SAMMSON: variants seen among roughly 807,000 people sequenced by gnomAD.
SAMMSON encodes survival associated mitochondrial melanoma specific oncogenic non-coding RNA, also known as long intergenic non-protein coding RNA 1212.
At chr3:70,411,606 G>A (rs1701219826) in intron 2 of SAMMSON, among the ~76,000 whole-genome samples, 1 of 152,316 alleles carries the variant, frequency 6.6e-6, no homozygotes, top group South Asian at 2.1e-4. Context: ...TGTGTTGTGG[G>A]AGGAACCCAG....
intron 4 of SAMMSON, among the ~76,000 whole-genome samples, chr3:70,185,016 T>C (rs1158741211): frequency 6.6e-6 from 1 of 152,224 alleles, no homozygotes; most frequent in Admixed American, 6.5e-5. Flanking sequence ...CCTATTGATG[T>C]CTGGGTCTCC....
At chr3:70,293,899 C>G (rs376045783) in intron 7 of SAMMSON, among the ~76,000 whole-genome samples, 4 of 151,798 alleles carry the variant, frequency 2.6e-5, no homozygotes, top group Non-Finnish European at 1.5e-5. Flanking sequence ...CATGTTGAAG[C>G]CTAAAGAGAC....
At chr3:70,267,907 C>T (rs1701935414) in intron 6 of SAMMSON, among the ~76,000 whole-genome samples, 1 of 151,732 alleles carries the variant, frequency 6.6e-6, no homozygotes, top group Non-Finnish European at 1.5e-5. Flanking sequence ...GAGCCAAGGT[C>T]CCAGTTTCCT....
At chr3:70,192,440 C>T (rs1035606455) in intron 4 of SAMMSON, among the ~76,000 whole-genome samples, 5 of 152,142 alleles carry the variant, frequency 3.3e-5, no homozygotes, top group South Asian at 2.1e-4. Flanking sequence ...CCTGTGTAAG[C>T]GGCAGACAGG....
At chr3:70,214,670 T>C (rs1701387641) in intron 4 of SAMMSON, among the ~76,000 whole-genome samples, 1 of 150,880 alleles carries the variant, frequency 6.6e-6, no homozygotes, top group African/African-American at 2.4e-5. Context: ...GCCACTATAC[T>C]TTGCACCTGT....
At chr3:70,063,903 A>G (rs1445510854) in intron 3 of SAMMSON, among the ~76,000 whole-genome samples, 1 of 152,114 alleles carries the variant, frequency 6.6e-6, no homozygotes, top group East Asian at 1.9e-4. Flanking sequence ...CAGCATCATC[A>G]TTCTTCATCA....
Position 70,164,479 on chromosome 3 carries a change from C to A in SAMMSON, n.508-84628C>A, listed in dbSNP as rs186476043. On this transcript the variant is annotated intron_variant and non_coding_transcript_variant, in intron 4 of 9. Transcript: ENST00000642114. The stretch of plus-strand genomic sequence containing the variant: ...TTATTGAGGTGAATAGTACTTATTG[C>A]ATGAATTCTGTAAACCTTGTGCCTG... Among the ~76,000 whole-genome samples, 31 of 152,176 alleles carry A rather than the reference C, an allele frequency of 2.0e-4. No homozygotes were observed. The East Asian group carries it at 6.0e-3, about 29-fold the overall frequency.
intron 4 of SAMMSON, among the ~76,000 whole-genome samples, chr3:70,073,286 CTTTT>C (rs1340205449): frequency 5.9e-5 from 9 of 152,004 alleles, no homozygotes; most frequent in African/African-American, 2.2e-4. Context: ...TGGCACATTT[CTTTT>C]GAGCCCATGT....
intron 3 of SAMMSON, among the ~76,000 whole-genome samples, chr3:70,048,350 C>T (rs1344479165): frequency 6.6e-6 from 1 of 152,082 alleles, no homozygotes; most frequent in African/African-American, 2.4e-5. Context: ...TTGATTTCCT[C>T]ATCTGTAGCT....
chr3:70,302,602 G>T (rs1702360505), intron 7 of SAMMSON: 1 of 152,112 alleles, frequency 6.6e-6, no homozygotes, highest in African/African-American at 2.4e-5. Flanking sequence ...ATCTACAATT[G>T]TCTTCTTCCT....
intron 3 of SAMMSON, among the ~76,000 whole-genome samples, chr3:70,026,740 C>T (rs1406974866): frequency 6.6e-6 from 1 of 152,198 alleles, no homozygotes; most frequent in African/African-American, 2.4e-5. Flanking sequence ...GAGTTTACCA[C>T]ACTAAGTTTC....
rs554378051 is a variant in SAMMSON, at chr3:70,290,437, A to G, written n.675-742A>G. Reference sequence around the variant, plus strand: ...CCCCTTCTCAGATCTCCAGCTGCGTACTGGGAGAACCACTGCTCTCTTCAA... The same window carrying G: ...CCCCTTCTCAGATCTCCAGCTGCGTGCTGGGAGAACCACTGCTCTCTTCAA... On this transcript the variant is annotated intron_variant and non_coding_transcript_variant, in intron 6 of 9. Coordinates refer to ENST00000642114, the Ensembl canonical transcript of SAMMSON. 3.5e-4 allele frequency among the ~76,000 whole-genome samples: 53 copies of G among 152,294 alleles called. No individual in the cohort carries two copies. The South Asian group carries it at 0.011, about 30-fold the overall frequency.
intron 9 of SAMMSON, among the ~76,000 whole-genome samples, chr3:70,383,671 ATGATTGG>A (rs2106753261): frequency 6.6e-6 from 1 of 151,978 alleles, no homozygotes; most frequent in Non-Finnish European, 1.5e-5. Context: ...CAGAGAGGGG[ATGATTGG>A]TGCCACTGCA....
At chr3:70,188,070 GTC>G (rs1446302019) in intron 4 of SAMMSON, among the ~76,000 whole-genome samples, 1 of 152,104 alleles carries the variant, frequency 6.6e-6, no homozygotes, top group Non-Finnish European at 1.5e-5. Flanking sequence ...CCATAAACTC[GTC>G]TCTATCTGTC....
intron 1 of SAMMSON, among the ~76,000 whole-genome samples, chr3:70,007,261 A>C (rs970225802): frequency 1.4e-4 from 21 of 152,100 alleles, no homozygotes; most frequent in East Asian, 3.9e-4. Context: ...TACAGTCCCA[A>C]CAACAGTGTA....
chr3:70,388,482 A>G (rs1395413906), intron 9 of SAMMSON, among the ~76,000 whole-genome samples: 1 of 152,158 alleles, frequency 6.6e-6, no homozygotes, highest in Non-Finnish European at 1.5e-5. Context: ...TAAATGCTAT[A>G]GATTCACTAT....
chr3:70,386,238 G>T (rs1703122096), intron 9 of SAMMSON, among the ~76,000 whole-genome samples: 1 of 152,052 alleles, frequency 6.6e-6, no homozygotes, highest in Non-Finnish European at 1.5e-5. Flanking sequence ...CAAGGTCCCT[G>T]GCACACCCTA....
chr3:70,289,669 C>G (rs1463690149), intron 6 of SAMMSON, among the ~76,000 whole-genome samples: 1 of 152,072 alleles, frequency 6.6e-6, no homozygotes, highest in Admixed American at 6.5e-5. Flanking sequence ...CAACTTGGTT[C>G]CATTCTCCCC....
chr3:70,247,972 A>G (rs143638094), intron 4 of SAMMSON, among the ~76,000 whole-genome samples: 12 of 152,244 alleles, frequency 7.9e-5, no homozygotes, highest in Non-Finnish European at 1.5e-4. Context: ...GTAGAATTTA[A>G]TGCTACAATG....
Sources: allele counts gnomAD v4.1 joint callset (sites outside exome capture counted in the v4.1 genomes callset), GRCh38; gene constraint gnomAD v4.1.1; transcripts MANE v1.5; gene names NCBI Gene and HGNC (gene_info 2026-07-23, HGNC 2026-07-21).